RUNDC3B: variants seen among roughly 807,000 people sequenced by gnomAD.
RUNDC3B encodes the protein RUN domain containing 3B, also known as RUN domain-containing protein 3B.
In RUNDC3B, 33 loss-of-function variants were observed where a neutral mutation model predicts 58.4. The ratio of observed to expected loss-of-function variants is 0.56; its 90% CI spans 0.43 to 0.75. The LOEUF is 0.75. RUNDC3B is among the 30% of genes least tolerant of loss of function. The pLI is 0.00. For missense variants in RUNDC3B, 501 were observed against 535.7 expected, an observed-to-expected ratio of 0.94 and a Z score of 0.64; for synonymous variants, 193 against 195.2, an observed-to-expected ratio of 0.99 and a Z score of 0.10.
chr7:87,711,558 T>C (rs1423784560), intron 4 of RUNDC3B, among the ~76,000 whole-genome samples: 2 of 152,146 alleles, frequency 1.3e-5, no homozygotes, highest in Non-Finnish European at 2.9e-5. Flanking sequence ...GATCTTTATT[T>C]GTAAAGCCAC....
chr7:87,640,251 G>T (rs1822293242), intron 1 of RUNDC3B, among the ~76,000 whole-genome samples: 1 of 150,474 alleles, frequency 6.6e-6, no homozygotes, highest in Non-Finnish European at 1.5e-5. Flanking sequence ...TTTACAGTAG[G>T]TATTTAGGAA....
intron 3 of RUNDC3B, among the ~76,000 whole-genome samples, chr7:87,703,252 AT>A (rs60249776): frequency 1.1e-3 from 171 of 149,842 alleles, no homozygotes; most frequent in South Asian, 7.2e-3. Flanking sequence ...TTTATTTAGG[AT>A]TTTTTTTTTC....
rs1838051942 is a variant in RUNDC3B at position 87,830,041 on chromosome 7, G to T, written c.*11G>T. 1 of 1,553,002 alleles carries T rather than the reference G, an allele frequency of 6.4e-7. No homozygotes were observed. Among genetic ancestry groups the T allele is most frequent in the African/African-American group, 1.4e-5 (1 of 71,624 alleles). On this transcript the variant is annotated 3_prime_UTR_variant, in exon 11 of 11. Transcript: ENST00000394654. Reference sequence around the variant, plus strand: ...CTAACTCCATCCTGAAAATTTTTGTGTAAAAGCCAAAACTTTTTATGTTGT... The same window carrying T: ...CTAACTCCATCCTGAAAATTTTTGTTTAAAAGCCAAAACTTTTTATGTTGT...
At chr7:87,760,319 G>A (rs1833606875) in intron 6 of RUNDC3B, among the ~76,000 whole-genome samples, 1 of 151,892 alleles carries the variant, frequency 6.6e-6, no homozygotes, top group African/African-American at 2.4e-5. Flanking sequence ...ACATTGTTTA[G>A]GGAAATTGAA....
chr7:87,733,883 AG>A (rs1033868081), intron 4 of RUNDC3B, among the ~76,000 whole-genome samples: 1 of 152,170 alleles, frequency 6.6e-6, no homozygotes, highest in Non-Finnish European at 1.5e-5. Context: ...TTCATGGCCC[AG>A]GGGGTGGGGA....
intron 9 of RUNDC3B, among the ~76,000 whole-genome samples, chr7:87,809,798 C>T (rs139878440): frequency 6.6e-6 from 1 of 152,220 alleles, no homozygotes; most frequent in East Asian, 1.9e-4. Flanking sequence ...ATAAAAATCA[C>T]GTTTGAAACC....
chr7:87,717,507 A>G (rs1830625567), intron 4 of RUNDC3B, among the ~76,000 whole-genome samples: 1 of 152,118 alleles, frequency 6.6e-6, no homozygotes, highest in Admixed American at 6.6e-5. Flanking sequence ...ATAAAAGGAC[A>G]AGGAGGAAGT....
intron 8 of RUNDC3B, among the ~76,000 whole-genome samples, chr7:87,802,292 C>G (rs879306934): frequency 2.6e-5 from 4 of 151,920 alleles, no homozygotes; most frequent in Non-Finnish European, 5.9e-5. Context: ...TACTGGGAGG[C>G]TGAGAGGTGG....
chr7:87,628,587 GTGTGT>G lies in RUNDC3B; in HGVS notation c.-236_-232del. On this transcript the variant is annotated 5_prime_UTR_variant, in exon 1 of 11. Transcript: ENST00000394654. ...GGGCGGAGGTGGTGCGTGCGTGCGTGTGTGTGTGTGTGTGTGTGTGTGTGTGTGTG... is the reference window on the plus strand; with the variant it reads ...GGGCGGAGGTGGTGCGTGCGTGCGTGGTGTGTGTGTGTGTGTGTGTGTGTG... The G allele has an allele frequency of 1.6e-4, 2 of 12,218 alleles. No homozygotes were observed. Among genetic ancestry groups the G allele is most frequent in the African/African-American group, 4.9e-4 (1 of 2,036 alleles). 0.8% of individuals were successfully genotyped at this position (12,218 alleles called of 1,614,324 possible).
intron 2 of RUNDC3B, among the ~76,000 whole-genome samples, chr7:87,665,214 A>C (rs1200284310): frequency 6.6e-6 from 1 of 152,160 alleles, no homozygotes; most frequent in African/African-American, 2.4e-5. Context: ...ATACCAAAAA[A>C]TGGTTAGAAT....
chr7:87,662,143 G>A (rs1318141723), intron 2 of RUNDC3B, among the ~76,000 whole-genome samples: 1 of 151,808 alleles, frequency 6.6e-6, no homozygotes, highest in Non-Finnish European at 1.5e-5. Flanking sequence ...TATATATTCT[G>A]CTTATTAATC....
intron 10 of RUNDC3B, among the ~76,000 whole-genome samples, chr7:87,817,287 C>T (rs1405520491): frequency 3.9e-5 from 6 of 152,158 alleles, no homozygotes; most frequent in Admixed American, 6.5e-5. Context: ...TAGTCTCTGC[C>T]ACTTGGAGCA....
At chr7:87,741,802 AG>A (rs1218895622) in intron 6 of RUNDC3B, among the ~76,000 whole-genome samples, 3 of 152,276 alleles carry the variant, frequency 2.0e-5, no homozygotes, top group African/African-American at 7.2e-5. Flanking sequence ...CCTAGCATCT[AG>A]TTTTTTAAAA....
chr7:87,786,348 C>A (rs1835214817), intron 8 of RUNDC3B, among the ~76,000 whole-genome samples: 1 of 150,746 alleles, frequency 6.6e-6, no homozygotes, highest in South Asian at 2.1e-4. Context: ...TATTAAGGAA[C>A]AAAAAATTTT....
intron 2 of RUNDC3B, among the ~76,000 whole-genome samples, chr7:87,670,356 A>G (rs1301202828): frequency 6.6e-6 from 1 of 152,128 alleles, no homozygotes; most frequent in African/African-American, 2.4e-5. Context: ...CAGCTATTTC[A>G]TCCTTCAGCT....
At chr7:87,646,174 G>T (rs1822978889) in intron 1 of RUNDC3B, among the ~76,000 whole-genome samples, 1 of 152,138 alleles carries the variant, frequency 6.6e-6, no homozygotes, top group African/African-American at 2.4e-5. Context: ...TCTTCTGTAG[G>T]AACGTAACCT....
Position 87,717,835 on chromosome 7 carries a change from A to G in RUNDC3B, c.458+7180A>G, listed in dbSNP as rs532045668. Among the ~76,000 whole-genome samples the G allele has an allele frequency of 8.5e-5, 13 of 152,284 alleles. 1 individual carries two copies. Among genetic ancestry groups the G allele is most frequent in the African/African-American group, 3.1e-4 (13 of 41,586 alleles). On this transcript the variant is annotated intron_variant, in intron 4 of 10. Coordinates refer to ENST00000394654, the MANE Select transcript of RUNDC3B (RefSeq NM_001134405.2). ...ATTTCAAAAAATTAAGGAAAATCTA[A>G]TACTTTTTGTAAAGTAAGTATGACA...
intron 2 of RUNDC3B, among the ~76,000 whole-genome samples, chr7:87,677,961 G>A (rs187441971): frequency 1.3e-5 from 2 of 152,288 alleles, no homozygotes; most frequent in Admixed American, 6.5e-5. Context: ...GTACTTCAGA[G>A]ATGAGGACAA....
chr7:87,654,548 A>G (rs1178698620), intron 2 of RUNDC3B, among the ~76,000 whole-genome samples: 1 of 152,020 alleles, frequency 6.6e-6, no homozygotes, highest in Admixed American at 6.6e-5. Context: ...ATGAAATTAG[A>G]CCCTTCACAC....
Sources: gnomAD v4.1 joint callset for allele counts (sites outside exome capture counted in the v4.1 genomes callset) on GRCh38, gnomAD v4.1.1 for gene constraint, MANE v1.5 for transcripts, NCBI Gene and HGNC (gene_info 2026-07-23, HGNC 2026-07-21) for gene names.